The following EFL1 variants were observed in gnomAD, a reference collection of about 807,000 sequenced individuals.
EFL1 encodes the protein elongation factor-like GTPase 1.
In EFL1, 76 loss-of-function variants were observed where a neutral mutation model predicts 126.7. The ratio of observed to expected loss-of-function variants is 0.60; its 90% CI spans 0.50 to 0.73. EFL1 has a LOEUF of 0.73. EFL1 is among the 30% of genes least tolerant of loss of function. The pLI, the probability that EFL1 is intolerant of heterozygous loss-of-function variation, is 0.00. For missense variants in EFL1, 1,128 were observed against 1,343.2 expected, an observed-to-expected ratio of 0.84 and a Z score of 2.50; for synonymous variants, 410 against 448.4, an observed-to-expected ratio of 0.91 and a Z score of 1.08.
rs1279692879 is a variant in EFL1 at position 82,241,275 on chromosome 15, G to C, written c.373C>G (p.Pro125Ala). 6.2e-7 allele frequency: 1 copy of C among 1,613,668 alleles called. No homozygotes were observed. The highest frequency in any genetic ancestry group is 2.2e-5 in the East Asian group (1 of 44,882). ...TTCTCATCACAATCCATTACCTGTG[G>C]ACAGACTCCTTCCACAGCATCTACC... ...IVVDAVEGVC[P>A]QTQAVLRQAW... The change falls in exon 5 of 20, where the codon CCA becomes GCA. Residue 125 changes from proline (P) to alanine (A), a missense_variant. Physicochemically the swap from Pro to Ala is conservative, Grantham distance 27. This residue lies in a region of EFL1 where 118 missense variants were observed against 188.1 expected (regional missense o/e 0.63). Coordinates refer to ENST00000268206, the MANE Select transcript of EFL1 (RefSeq NM_024580.6).
At position 82,176,673 on chromosome 15, in the gene EFL1, C is replaced by T. The variant is rs1483083758; in HGVS notation, c.1751-12689G>A. 3.3e-5 allele frequency among the ~76,000 whole-genome samples: 5 copies of T among 152,212 alleles called. No homozygotes were observed. The East Asian group carries it at 5.8e-4, about 18-fold the overall frequency. ...GAATGAAAGCAAAAACAAGTATGGA[C>T]AAAGATACAGAGCAACTGGAACTTT... On this transcript the variant is annotated intron_variant, in intron 15 of 19. Coordinates refer to ENST00000268206, the MANE Select transcript of EFL1 (RefSeq NM_024580.6).
intron 15 of EFL1, among the ~76,000 whole-genome samples, chr15:82,186,764 A>G (rs1337018894): frequency 1.3e-5 from 2 of 152,150 alleles, no homozygotes; most frequent in Non-Finnish European, 2.9e-5. Context: ...CTAGTCCCAC[A>G]TGACTCAGTG....
chr15:82,232,244 A>G (rs1396692491), intron 7 of EFL1, among the ~76,000 whole-genome samples: 1 of 152,168 alleles, frequency 6.6e-6, no homozygotes, highest in Non-Finnish European at 1.5e-5. Flanking sequence ...AATACAGCTG[A>G]AGCTTTGCTC....
At chr15:82,217,068 C>A (rs762242456) in intron 14 of EFL1, among the ~76,000 whole-genome samples, 3 of 151,952 alleles carry the variant, frequency 2.0e-5, no homozygotes, top group Non-Finnish European at 4.4e-5. Context: ...GACCAATAAA[C>A]ACATTAAAAG....
chr15:82,245,701 A>G (rs1451929435), intron 4 of EFL1, among the ~76,000 whole-genome samples: 1 of 152,024 alleles, frequency 6.6e-6, no homozygotes, highest in Non-Finnish European at 1.5e-5. Flanking sequence ...AATGCTTTGG[A>G]AGGCCAAAAC....
intron 7 of EFL1, among the ~76,000 whole-genome samples, chr15:82,231,997 T>C (rs2074827250): frequency 6.6e-6 from 1 of 152,338 alleles, no homozygotes; most frequent in African/African-American, 2.4e-5. Context: ...AGATGTTAAG[T>C]CAGGATACCC....
At chr15:82,161,970 T>G (rs772289093) in intron 16 of EFL1, among the ~76,000 whole-genome samples, 15 of 152,128 alleles carry the variant, frequency 9.9e-5, no homozygotes, top group Non-Finnish European at 2.1e-4. Context: ...AATTATAAAT[T>G]TCTATTATTA....
At chr15:82,247,674 G>A (rs1381448122) in intron 4 of EFL1, among the ~76,000 whole-genome samples, 1 of 151,634 alleles carries the variant, frequency 6.6e-6, no homozygotes, top group Non-Finnish European at 1.5e-5. Flanking sequence ...CCAGGCAGAA[G>A]GGGGAAACGT....
chr15:82,177,001 C>T (rs1045526701), intron 15 of EFL1, among the ~76,000 whole-genome samples: 2 of 152,068 alleles, frequency 1.3e-5, no homozygotes, highest in African/African-American at 4.8e-5. Flanking sequence ...TGAAAAATGC[C>T]CAATGCAAGA....
At chr15:82,137,839 C>T (rs2073738322) in intron 19 of EFL1, among the ~76,000 whole-genome samples, 1 of 152,078 alleles carries the variant, frequency 6.6e-6, no homozygotes, top group Non-Finnish European at 1.5e-5. Context: ...TTGTTTTTAC[C>T]AGCCTTTTCT....
chr15:82,211,053 T>C (rs1052990647), intron 15 of EFL1, among the ~76,000 whole-genome samples: 10 of 151,980 alleles, frequency 6.6e-5, no homozygotes, highest in Non-Finnish European at 1.5e-4. Flanking sequence ...AGCCATCTTA[T>C]TCTTTCCATT....
intron 15 of EFL1, among the ~76,000 whole-genome samples, chr15:82,181,413 C>T (rs1198680375): frequency 6.6e-6 from 1 of 152,136 alleles, no homozygotes; most frequent in Non-Finnish European, 1.5e-5. Flanking sequence ...CATTCACTAT[C>T]CTCAGTAACA....
chr15:82,157,757 T>C lies in EFL1; in HGVS notation c.1986A>G (p.Ala662=), dbSNP rs754115545. 2.0e-5 allele frequency: 33 copies of C among 1,613,958 alleles called. No individual in the cohort carries two copies. The East Asian group carries it at 6.9e-4, about 34-fold the overall frequency. The change falls in exon 17 of 20, where the codon GCA becomes GCG. Residue 662 remains alanine, a synonymous_variant. Transcript: ENST00000268206. ...GGCATCGCTGAAGGTGGACTTCTCC[T>C]GCTGTGACTAAAACGTGCTCTCCCG... ...QETGEHVLVT[A]GEVHLQRCLD...
chr15:82,132,168 A>T (rs1453876113), intron 19 of EFL1, among the ~76,000 whole-genome samples: 1 of 152,212 alleles, frequency 6.6e-6, no homozygotes, highest in African/African-American at 2.4e-5. Context: ...TGTGAGCCAC[A>T]ACTGTGCTTC....
chr15:82,202,894 C>T (rs1279640171), intron 15 of EFL1, among the ~76,000 whole-genome samples: 1 of 151,858 alleles, frequency 6.6e-6, no homozygotes, highest in Admixed American at 6.6e-5. Flanking sequence ...TCACTGTAAC[C>T]TCCGCCTCCC....
rs771914174 is a variant in EFL1 at position 82,151,495 on chromosome 15, A to C, written c.2959T>G (p.Cys987Gly). 2.4e-5 allele frequency: 38 copies of C among 1,612,924 alleles called. No individual in the cohort carries two copies. The highest frequency in any genetic ancestry group is 3.1e-5 in the Non-Finnish European group (36 of 1,179,614). Residue 987 changes from cysteine to glycine, a missense_variant, in exon 18 of 20, where the codon TGT (cysteine) becomes GGT (glycine). Physicochemically the swap from Cys to Gly is radical, Grantham distance 159 (BLOSUM62 -3). Transcript: ENST00000268206. ...ACATCACCAGTGGCCATGATGTCAC[A>C]TGTGTACATAGCTGCCATCAGGCGC... ...PQRLMAAMYT[C>G]DIMATGDVLG...
intron 14 of EFL1, among the ~76,000 whole-genome samples, chr15:82,218,026 C>T (rs2074669532): frequency 6.6e-6 from 1 of 152,156 alleles, no homozygotes; most frequent in African/African-American, 2.4e-5. Context: ...CTATCAACAA[C>T]CTTTAGTGAG....
At chr15:82,261,524 T>TA (rs1316055418) in intron 2 of EFL1, among the ~76,000 whole-genome samples, 164 bp downstream of exon 2, 1 of 152,224 alleles carries the variant, frequency 6.6e-6, no homozygotes, top group East Asian at 1.9e-4. Flanking sequence ...TCAAATGCTT[T>TA]ATAGCAAAGC....
chr15:82,155,056 T>G (rs1011575872), intron 17 of EFL1, among the ~76,000 whole-genome samples: 5 of 152,232 alleles, frequency 3.3e-5, no homozygotes, highest in African/African-American at 1.2e-4. Context: ...TGTTCAACAT[T>G]ATATTGTGAG....
Sources: allele counts gnomAD v4.1 joint callset (sites outside exome capture counted in the v4.1 genomes callset), GRCh38; gene constraint gnomAD v4.1.1; regional missense constraint gnomAD v4.1.1; transcripts MANE v1.5; gene names NCBI Gene and HGNC (gene_info 2026-07-23, HGNC 2026-07-21).